DST: variants seen among roughly 807,000 people sequenced by gnomAD.
DST encodes dystonin.
In DST, 253 loss-of-function variants were observed where a neutral mutation model predicts 875.2. The ratio of observed to expected loss-of-function variants is 0.29; its 90% CI spans 0.26 to 0.32. The LOEUF (loss-of-function observed/expected upper bound fraction) is 0.32. DST is among the 10% of genes least tolerant of loss of function. DST has a pLI of 1.00. For missense variants in DST, 8,287 were observed against 9,111.6 expected, an observed-to-expected ratio of 0.91 and a Z score of 3.68; for synonymous variants, 3,124 against 3,197.1, an observed-to-expected ratio of 0.98 and a Z score of 0.77.
At chr6:56,863,281 C>A (rs1772264658) in intron 3 of DST, 1 of 152,198 alleles carries the variant, frequency 6.6e-6, no homozygotes, top group Admixed American at 6.5e-5. Flanking sequence ...CCCTTTCACA[C>A]AGGAGTTGTT....
At chr6:56,796,011 A>G (rs1420322873) in intron 4 of DST, among the ~76,000 whole-genome samples, 1 of 152,206 alleles carries the variant, frequency 6.6e-6, no homozygotes, top group Admixed American at 6.5e-5. Flanking sequence ...CACAGGATCC[A>G]GCAGAAAGGG....
At chr6:56,594,458 G>C (rs1337154676) in intron 47 of DST, among the ~76,000 whole-genome samples, 1 of 152,118 alleles carries the variant, frequency 6.6e-6, no homozygotes, top group Non-Finnish European at 1.5e-5. Flanking sequence ...CCATTTTTCA[G>C]AAGTTTAGAA....
At chr6:56,938,058 T>C (rs1169429035) in intron 2 of DST, among the ~76,000 whole-genome samples, 6 of 149,908 alleles carry the variant, frequency 4.0e-5, no homozygotes, top group African/African-American at 1.5e-4. Context: ...ATTCTAAAAC[T>C]AGAAATTACA....
intron 9 of DST, among the ~76,000 whole-genome samples, chr6:56,676,428 T>TA (rs1448054827): frequency 6.6e-6 from 1 of 152,172 alleles, no homozygotes; most frequent in Non-Finnish European, 1.5e-5. Flanking sequence ...GGTGGGAATG[T>TA]AAGTTAGTAA....
chr6:56,605,352 A>G lies in DST; in HGVS notation c.9276T>C (p.Phe3092=), dbSNP rs1472919828. ...CATTGTTTGTGATTTGTGGAAATGG[A>G]AACTGACTATTAATTAACTTGAAAC... ...RDSFKLINSQ[F]PFPQITNNEE... The change falls in exon 40 of 104, where the codon TTT becomes TTC. Residue 3092 remains phenylalanine (F), a synonymous_variant. Coordinates refer to ENST00000680361, the MANE Select transcript of DST (RefSeq NM_001374736.1). 6.2e-7 allele frequency: 1 copy of G among 1,612,502 alleles called. No homozygotes were observed. The highest frequency in any genetic ancestry group is 1.3e-5 in the African/African-American group (1 of 74,852).
chr6:56,580,579 T>TAAAA (rs200558536), intron 49 of DST, among the ~76,000 whole-genome samples: 1 of 149,462 alleles, frequency 6.7e-6, no homozygotes, highest in African/African-American at 2.4e-5. Flanking sequence ...AATAAATAAA[T>TAAAA]AAAAATTTAA....
chr6:56,482,362 AT>A, intron 89 of DST, 184 bp from the exon 90 acceptor site: 1 of 726,134 alleles, frequency 1.4e-6, no homozygotes, highest in Non-Finnish European at 2.0e-6. Context: ...CACTTAATAT[AT>A]TAAAAAAAAA....
rs1364214135 is a variant in DST at position 56,561,288 on chromosome 6, G to C, written c.14310+20C>G. On this transcript the variant is annotated intron_variant, in intron 57 of 103. Coordinates refer to ENST00000680361, the MANE Select transcript of DST (RefSeq NM_001374736.1). Reference sequence around the variant, plus strand: ...TCCATTCTCTTTCATGTCTTCCATAGGTGCACCCACAGAATATACCTTATT... The same window carrying C: ...TCCATTCTCTTTCATGTCTTCCATACGTGCACCCACAGAATATACCTTATT... 2 of 1,594,458 alleles carry C rather than the reference G, an allele frequency of 1.3e-6. No individual in the cohort carries two copies. Among genetic ancestry groups the C allele is most frequent in the Admixed American group, 3.5e-5 (2 of 56,498 alleles).
intron 5 of DST, among the ~76,000 whole-genome samples, chr6:56,720,198 A>T (rs1191496853): frequency 6.6e-6 from 1 of 152,172 alleles, no homozygotes; most frequent in East Asian, 1.9e-4. Flanking sequence ...TCTCTTTCTC[A>T]GGGATGTTCC....
intron 9 of DST, among the ~76,000 whole-genome samples, chr6:56,690,504 G>A (rs540013116): frequency 6.6e-6 from 1 of 152,280 alleles, no homozygotes; most frequent in Admixed American, 6.5e-5. Flanking sequence ...GGCTGAGAAT[G>A]ATGAATGTCA....
In DST at chr6:56,458,848, A is replaced by T; in HGVS notation, c.*157T>A. ...CAGAATATCTGACAAAAAAAATTAT[A>T]CAGATAAAATAAAAAGACAAATACA... On this transcript the variant is annotated 3_prime_UTR_variant, in exon 104 of 104. Coordinates refer to ENST00000680361, the MANE Select transcript of DST (RefSeq NM_001374736.1). The T allele has an allele frequency of 1.2e-6, 1 of 801,790 alleles. No individual in the cohort carries two copies. Among genetic ancestry groups the T allele is most frequent in the Non-Finnish European group, 1.8e-6 (1 of 553,020 alleles). 49.7% of individuals were successfully genotyped at this position (801,790 alleles called of 1,614,324 possible).
rs1410932488 is a variant in DST at position 56,555,712 on chromosome 6, A to T, written c.14769T>A (p.Ala4923=). ...TTAGGCTATCCCATTTTTGGGTCAC[A>T]GCTGCCAGTTGCTCTTTCACAATCC... The part of the protein sequence containing the change: ...LRGIVKEQLA[A]VTQKWDSLTG... The change falls in exon 60 of 104, where the codon GCT becomes GCA. Residue 4923 remains alanine, a synonymous_variant. Coordinates refer to ENST00000680361, the MANE Select transcript of DST (RefSeq NM_001374736.1). 1 of 1,610,500 alleles carries T rather than the reference A, an allele frequency of 6.2e-7. No individual in the cohort carries two copies. The highest frequency in any genetic ancestry group is 1.3e-5 in the African/African-American group (1 of 74,880).
chr6:56,639,400 T>A, intron 21 of DST, 37 bp from the exon 22 acceptor site: 1 of 1,613,052 alleles, frequency 6.2e-7, no homozygotes, highest in Non-Finnish European at 8.5e-7. Context: ...TAGAAAAATA[T>A]ATAAACCTAA....
At chr6:56,660,701 A>C (rs1056565375) in intron 10 of DST, among the ~76,000 whole-genome samples, 1 of 151,390 alleles carries the variant, frequency 6.6e-6, no homozygotes, top group Admixed American at 6.6e-5. Context: ...GATTAGCAAC[A>C]AGCTATGAAG....
intron 4 of DST, among the ~76,000 whole-genome samples, chr6:56,778,708 T>A (rs1022325227): frequency 2.6e-5 from 4 of 151,982 alleles, no homozygotes; most frequent in African/African-American, 9.7e-5. Context: ...ACAAAGTACA[T>A]TAACTCATCA....
intron 89 of DST, chr6:56,482,408 T>G: frequency 3.7e-6 from 2 of 544,374 alleles, no homozygotes; most frequent in Non-Finnish European, 5.9e-6. Context: ...CTTTAACAAC[T>G]TGATTTTAGA....
At chr6:56,750,543 A>G (rs115555560) in intron 4 of DST, among the ~76,000 whole-genome samples, 1 of 152,326 alleles carries the variant, frequency 6.6e-6, no homozygotes, top group African/African-American at 2.4e-5. Context: ...CCTCCTATCT[A>G]TCTTCATGAG....
chr6:56,909,587 G>T (rs190760008), intron 2 of DST, among the ~76,000 whole-genome samples: 1 of 152,334 alleles, frequency 6.6e-6, no homozygotes, highest in African/African-American at 2.4e-5. Context: ...ATTTGCTATA[G>T]GAGTTTGCAC....
At chr6:56,767,586 G>A (rs1186023527) in intron 4 of DST, among the ~76,000 whole-genome samples, 1 of 151,514 alleles carries the variant, frequency 6.6e-6, no homozygotes, top group Non-Finnish European at 1.5e-5. Context: ...GACTGTACTT[G>A]CCTGGGTGAC....
Sources: allele counts gnomAD v4.1 joint callset (sites outside exome capture counted in the v4.1 genomes callset), GRCh38; gene constraint gnomAD v4.1.1; transcripts MANE v1.5; gene names NCBI Gene and HGNC (gene_info 2026-07-23, HGNC 2026-07-21).